The following PLS3 variants were observed in gnomAD, a reference collection of about 807,000 sequenced individuals.
The protein encoded by PLS3 is plastin 3.
A neutral mutation model predicts 46.5 loss-of-function variants in PLS3; 11 were observed. The ratio of observed to expected loss-of-function variants is 0.24; its 90% CI spans 0.15 to 0.39. The LOEUF is 0.39. Among genes scored for constraint, PLS3 ranks in the 10% least tolerant of loss-of-function variants. The pLI, the probability that PLS3 is intolerant of heterozygous loss-of-function variation, is 1.00. For missense variants in PLS3, 308 were observed against 461.8 expected, an observed-to-expected ratio of 0.67 and a Z score of 3.05; for synonymous variants, 167 against 162.2, an observed-to-expected ratio of 1.03 and a Z score of -0.22.
intron 1 of PLS3, among the ~76,000 whole-genome samples, chrX:115,590,827 A>G (rs1204217264): frequency 2.7e-5 from 3 of 110,310 alleles, no homozygotes; most frequent in African/African-American, 6.6e-5. Context: ...CTCAAAAATA[A>G]TAATAATAAA....
chrX:115,646,482 G>C lies in PLS3; in HGVS notation c.1458G>C (p.Leu486=), dbSNP rs782715569. The C allele has an allele frequency of 8.3e-7, 1 of 1,211,234 alleles. No homozygotes were observed. The highest frequency in any genetic ancestry group is 2.2e-5 in the Admixed American group (1 of 45,997). Residue 486 remains leucine (L), a synonymous_variant, in exon 13 of 16, where the codon CTG becomes CTC. Coordinates refer to ENST00000355899, the MANE Select transcript of PLS3 (RefSeq NM_005032.7). ...FSLVGIGGQD[L]NDGNQTLTLA... is the part of the protein sequence containing the mutation. ...TGGTTGGCATTGGAGGGCAAGACCTGAATGATGGGAACCAAACCCTGACTT... is the reference window on the plus strand; with the variant it reads ...TGGTTGGCATTGGAGGGCAAGACCTCAATGATGGGAACCAAACCCTGACTT...
At chrX:115,640,001 G>C in intron 8 of PLS3, 1 of 499,674 alleles carries the variant, frequency 2.0e-6, no homozygotes, top group Non-Finnish European at 3.4e-6. Context: ...GTAGGTTGTG[G>C]TATATGCATT....
intron 8 of PLS3, 34 bp from the exon 9 acceptor site, chrX:115,640,374 C>T (rs782649661): frequency 1.1e-6 from 1 of 928,760 alleles, no homozygotes; most frequent in Admixed American, 2.2e-5. Flanking sequence ...TTCCTTGTAA[C>T]TGTGATCTCA....
chrX:115,590,627 C>T (rs781929256), intron 1 of PLS3, among the ~76,000 whole-genome samples: 1 of 111,097 alleles, frequency 9.0e-6, no homozygotes, highest in Non-Finnish European at 1.9e-5. Context: ...CTAGACCAGC[C>T]TGGCCAACAT....
chrX:115,629,414 A>G (rs2074742420), intron 4 of PLS3, 87 bp downstream of exon 4: 5 of 793,804 alleles, frequency 6.3e-6, no homozygotes, highest in Non-Finnish European at 9.1e-6. Flanking sequence ...GAAAAACATT[A>G]CCTTCTAATT....
intron 2 of PLS3, among the ~76,000 whole-genome samples, chrX:115,613,117 C>T (rs2074562390): frequency 9.0e-6 from 1 of 111,718 alleles, no homozygotes; most frequent in African/African-American, 3.3e-5. Flanking sequence ...GTAATGTAAA[C>T]CTTTGCAGAG....
chrX:115,598,510 A>G (rs782504080), intron 1 of PLS3, among the ~76,000 whole-genome samples: 1 of 111,529 alleles, frequency 9.0e-6, no homozygotes, highest in East Asian at 2.8e-4. Context: ...AATTATGCAT[A>G]TAGCCTCTTA....
At chrX:115,591,509 GATA>G (rs782516324) in intron 1 of PLS3, among the ~76,000 whole-genome samples, 5 of 111,809 alleles carry the variant, frequency 4.5e-5, no homozygotes, top group Admixed American at 9.5e-5. Context: ...TTTCCTCAAT[GATA>G]CTGCTACATA....
chrX:115,648,968 T>C, intron 15 of PLS3, among the ~76,000 whole-genome samples: 1 of 111,431 alleles, frequency 9.0e-6, no homozygotes, highest in Admixed American at 9.7e-5. Flanking sequence ...ACGTACCACG[T>C]AGACTGTCTC....
intron 2 of PLS3, among the ~76,000 whole-genome samples, chrX:115,614,908 A>G (rs2074582411): frequency 8.9e-6 from 1 of 111,815 alleles, no homozygotes; most frequent in Non-Finnish European, 1.9e-5. Context: ...TTTAAGTCCT[A>G]ATGAGCACTG....
chrX:115,603,273 C>T (rs1252069297), intron 1 of PLS3, among the ~76,000 whole-genome samples: 1 of 111,136 alleles, frequency 9.0e-6, no homozygotes, highest in Non-Finnish European at 1.9e-5. Flanking sequence ...ACACTATATC[C>T]TTTTATGAAA....
chrX:115,584,230 T>C (rs781978780), intron 1 of PLS3, among the ~76,000 whole-genome samples: 41 of 112,321 alleles, frequency 3.7e-4, no homozygotes, highest in African/African-American at 1.3e-3. Context: ...GTTAATTCCT[T>C]TAGGATGCTA....
At chrX:115,564,549 A>G (rs782148780) in intron 1 of PLS3, among the ~76,000 whole-genome samples, 2 of 112,484 alleles carry the variant, frequency 1.8e-5, no homozygotes, top group Non-Finnish European at 3.7e-5. Context: ...ATGGTGCTTG[A>G]GCACCAAAGT....
intron 1 of PLS3, among the ~76,000 whole-genome samples, chrX:115,568,958 C>T (rs2074195094): frequency 1.8e-5 from 2 of 109,221 alleles, no homozygotes; most frequent in South Asian, 7.9e-4. Context: ...ATCGCTTGAA[C>T]CCAGGAGGTG....
chrX:115,605,442 T>A (rs1411643332), intron 1 of PLS3, among the ~76,000 whole-genome samples: 2 of 112,081 alleles, frequency 1.8e-5, no homozygotes, highest in Non-Finnish European at 3.8e-5. Flanking sequence ...TAAGCATTTC[T>A]TAATTCATTT....
intron 2 of PLS3, among the ~76,000 whole-genome samples, chrX:115,614,757 C>T (rs1253183234): frequency 8.9e-6 from 1 of 111,934 alleles, no homozygotes; most frequent in Non-Finnish European, 1.9e-5. Context: ...TGTGTGTAAA[C>T]CCATTATTGT....
intron 1 of PLS3, among the ~76,000 whole-genome samples, chrX:115,569,822 C>A (rs978587217): frequency 2.7e-5 from 3 of 112,144 alleles, no homozygotes; most frequent in African/African-American, 9.7e-5. Flanking sequence ...TTTCACCCAA[C>A]AACACATTCT....
intron 1 of PLS3, among the ~76,000 whole-genome samples, chrX:115,568,964 A>C (rs782362418): frequency 1.9e-5 from 2 of 108,040 alleles, no homozygotes; most frequent in South Asian, 8.2e-4. Context: ...TGAACCCAGG[A>C]GGTGAAGGTT....
At chrX:115,617,034 T>A (rs1339954815) in intron 2 of PLS3, among the ~76,000 whole-genome samples, 1 of 111,631 alleles carries the variant, frequency 9.0e-6, no homozygotes, top group Non-Finnish European at 1.9e-5. Flanking sequence ...TGACTCAAAA[T>A]TTTTACAAGG....
Sources: allele counts gnomAD v4.1 joint callset (sites outside exome capture counted in the v4.1 genomes callset), GRCh38; gene constraint gnomAD v4.1.1; transcripts MANE v1.5; gene names NCBI Gene and HGNC (gene_info 2026-07-23, HGNC 2026-07-21).